Variants in RBPJ observed in about 807,000 individuals in gnomAD.
RBPJ encodes recombining binding protein suppressor of hairless.
A neutral mutation model predicts 67.8 loss-of-function variants in RBPJ; 9 were observed. That is an observed-to-expected ratio of 0.13 (90% confidence interval 0.08 to 0.23). RBPJ has a LOEUF of 0.23. Among genes scored for constraint, RBPJ ranks in the 10% least tolerant of loss-of-function variants. RBPJ has a pLI of 1.00. For missense variants in RBPJ, 305 were observed against 595.6 expected (o/e 0.51, Z 5.08); for synonymous variants, 198 against 203.3 (o/e 0.97, Z 0.22).
chr4:26,211,644 AACATGAGG>A (rs1718425772), intron 1 of RBPJ, among the ~76,000 whole-genome samples: 2 of 152,184 alleles, frequency 1.3e-5, no homozygotes, highest in Admixed American at 6.6e-5. Context: ...CAGCGGTGGG[AACATGAGG>A]GACAACATGT....
At chr4:26,286,669 G>T (rs1334783684) in intron 1 of RBPJ, among the ~76,000 whole-genome samples, 1 of 151,706 alleles carries the variant, frequency 6.6e-6, no homozygotes, top group Non-Finnish European at 1.5e-5. Context: ...TAAATTTTTT[G>T]ATTCCATACA....
chr4:26,217,165 T>G (rs931573747), intron 1 of RBPJ, among the ~76,000 whole-genome samples: 10 of 152,142 alleles, frequency 6.6e-5, no homozygotes, highest in Non-Finnish European at 8.8e-5. Context: ...ACCAGAGATT[T>G]AATTACTCAC....
At chr4:26,155,537 C>T in the RBPJ span, among the ~76,000 whole-genome samples, 5 of 151,244 alleles carry the variant, frequency 3.3e-5, no homozygotes, top group South Asian at 4.2e-4. Context: ...TGGGTTCAAG[C>T]GATTCTCCTG....
At chr4:26,156,957 T>C in the RBPJ span, among the ~76,000 whole-genome samples, 1 of 151,030 alleles carries the variant, frequency 6.6e-6, no homozygotes, top group African/African-American at 2.4e-5. Flanking sequence ...TGCCTCTGGT[T>C]TCAGCTACTC....
At chr4:26,218,504 A>G (rs1168156179) in intron 1 of RBPJ, among the ~76,000 whole-genome samples, 1 of 152,130 alleles carries the variant, frequency 6.6e-6, no homozygotes, top group Non-Finnish European at 1.5e-5. Flanking sequence ...GGACGTACTC[A>G]TGGGTCAGAC....
chr4:26,276,970 G>T (rs77106220), intron 1 of RBPJ, among the ~76,000 whole-genome samples: 3,505 of 152,152 alleles, frequency 0.023, 155 homozygotes, highest in African/African-American at 0.08. Flanking sequence ...ACTAGTCATA[G>T]AATTTTCTGT....
intron 1 of RBPJ, among the ~76,000 whole-genome samples, chr4:26,348,922 G>T (rs901094554): frequency 6.6e-6 from 1 of 152,050 alleles, no homozygotes; most frequent in East Asian, 1.9e-4. Flanking sequence ...GCTCAGGCTG[G>T]TCTTAAACTC....
chr4:26,384,979 C>T (rs1360317030), intron 1 of RBPJ, among the ~76,000 whole-genome samples: 2 of 71,074 alleles, frequency 2.8e-5, no homozygotes, highest in African/African-American at 1.2e-4. Flanking sequence ...CCTCCCCTCT[C>T]TCCTCCCCTC....
chr4:26,134,998 G>A, the RBPJ span, among the ~76,000 whole-genome samples: 20 of 152,122 alleles, frequency 1.3e-4, no homozygotes, highest in Admixed American at 2.6e-4. Context: ...TCTGCAGCTC[G>A]GGGGCTCACC....
chr4:26,419,659 T>C (rs73121201), intron 4 of RBPJ, among the ~76,000 whole-genome samples: 4 of 152,176 alleles, frequency 2.6e-5, no homozygotes, highest in African/African-American at 7.2e-5. Context: ...TAGATACTTA[T>C]GCTGTGTTTC....
At chr4:26,331,366 T>A (rs1179441851) in intron 1 of RBPJ, among the ~76,000 whole-genome samples, 3 of 152,016 alleles carry the variant, frequency 2.0e-5, no homozygotes, top group African/African-American at 4.8e-5. Context: ...GGATTACAAG[T>A]GTGAACCCCT....
intron 1 of RBPJ, among the ~76,000 whole-genome samples, chr4:26,297,358 G>A (rs1033026565): frequency 3.8e-5 from 4 of 106,166 alleles, no homozygotes; most frequent in African/African-American, 5.8e-5. Flanking sequence ...GTGTGTGTAC[G>A]AGAGAAAGAG....
At chr4:26,351,034 AG>A (rs1285571108) in intron 1 of RBPJ, among the ~76,000 whole-genome samples, 2 of 152,134 alleles carry the variant, frequency 1.3e-5, no homozygotes, top group Non-Finnish European at 2.9e-5. Flanking sequence ...TCACAAGCTT[AG>A]CATTCCAATA....
intron 1 of RBPJ, among the ~76,000 whole-genome samples, chr4:26,307,601 AG>A (rs1489009147): frequency 1.3e-5 from 2 of 152,238 alleles, no homozygotes. Context: ...ACATTTCTGG[AG>A]AACTTTAGGC....
intron 1 of RBPJ, among the ~76,000 whole-genome samples, chr4:26,372,929 T>C (rs985511571): frequency 6.6e-6 from 1 of 152,178 alleles, no homozygotes; most frequent in Non-Finnish European, 1.5e-5. Context: ...GGCCTGCTCT[T>C]TTGGTCCTAG....
At chr4:26,186,191 T>TA (rs1717249028) in intron 1 of RBPJ, among the ~76,000 whole-genome samples, 13 of 135,422 alleles carry the variant, frequency 9.6e-5, no homozygotes, top group East Asian at 6.0e-4. Flanking sequence ...CCCCTTTTTT[T>TA]TAAAAAAAAA....
At chr4:26,107,438 C>G in the RBPJ span, among the ~76,000 whole-genome samples, 1 of 152,244 alleles carries the variant, frequency 6.6e-6, no homozygotes, top group Non-Finnish European at 1.5e-5. Flanking sequence ...GACACCACTT[C>G]AAATGTTTGG....
intron 1 of RBPJ, among the ~76,000 whole-genome samples, chr4:26,276,974 T>A (rs1335133098): frequency 6.6e-6 from 1 of 152,084 alleles, no homozygotes; most frequent in African/African-American, 2.4e-5. Context: ...GTCATAGAAT[T>A]TTCTGTAAGT....
chr4:26,409,290 G>A (rs1056191806), intron 3 of RBPJ, among the ~76,000 whole-genome samples: 2 of 151,888 alleles, frequency 1.3e-5, no homozygotes, highest in African/African-American at 2.4e-5. Context: ...AATACGGCCC[G>A]GCATGGTGGC....
Sources: gnomAD v4.1 joint callset for allele counts (sites outside exome capture counted in the v4.1 genomes callset) on GRCh38, gnomAD v4.1.1 for gene constraint, MANE v1.5 for transcripts, NCBI Gene and HGNC (gene_info 2026-07-23, HGNC 2026-07-21) for gene names.